The following CAST variants were observed in gnomAD, a reference collection of about 807,000 sequenced individuals.
CAST encodes the protein calpastatin, also known as MIR583 host.
CAST carries 76 observed loss-of-function variants against 119.6 expected under a neutral mutation model. That is an observed-to-expected ratio of 0.64 (90% CI 0.53 to 0.77). The LOEUF is 0.77. Among genes scored for constraint, CAST ranks in the 30% least tolerant of loss-of-function variants. The pLI is 0.00. For synonymous variants in CAST, 319 were observed against 331.6 expected, an observed-to-expected ratio of 0.96 and a Z score of 0.41; for missense variants, 953 against 946.5, an observed-to-expected ratio of 1.01 and a Z score of -0.09.
the CAST span, among the ~76,000 whole-genome samples, chr5:95,996,155 CTT>C: frequency 6.6e-6 from 1 of 152,102 alleles, no homozygotes; most frequent in Non-Finnish European, 1.5e-5. Flanking sequence ...CTGAGGAAGA[CTT>C]TGACTCAGAA....
At chr5:96,503,518 C>T in the CAST span, among the ~76,000 whole-genome samples, 3 of 152,194 alleles carry the variant, frequency 2.0e-5, no homozygotes, top group Non-Finnish European at 4.4e-5. Context: ...ACCCACCTCA[C>T]ATAATCCTCT....
At chr5:96,176,011 G>A in the CAST span, among the ~76,000 whole-genome samples, 5 of 152,144 alleles carry the variant, frequency 3.3e-5, no homozygotes, top group South Asian at 2.1e-4. Flanking sequence ...CTACCATAGC[G>A]GAAATTACAG....
the CAST span, among the ~76,000 whole-genome samples, chr5:96,221,705 T>C: frequency 1.3e-5 from 2 of 152,098 alleles, no homozygotes; most frequent in South Asian, 4.1e-4. Context: ...ACATATTCAA[T>C]GCAATCTCTA....
At chr5:96,699,575 A>C (rs1269791304) in intron 3 of CAST, among the ~76,000 whole-genome samples, 20 of 152,172 alleles carry the variant, frequency 1.3e-4, no homozygotes, top group Non-Finnish European at 1.5e-5. Flanking sequence ...AGAAGACTCA[A>C]AATCCCTATT....
the CAST span, among the ~76,000 whole-genome samples, chr5:96,368,796 A>G: frequency 6.6e-5 from 10 of 152,214 alleles, no homozygotes; most frequent in South Asian, 2.1e-3. Flanking sequence ...TTGCAAAGTA[A>G]TGTTTTTGAA....
chr5:96,725,096 A>G (rs1258896502), intron 4 of CAST, among the ~76,000 whole-genome samples: 1 of 152,138 alleles, frequency 6.6e-6, no homozygotes, highest in African/African-American at 2.4e-5. Flanking sequence ...AGTCCTGTGA[A>G]ACTGGAGGAA....
At chr5:96,312,911 C>A in the CAST span, among the ~76,000 whole-genome samples, 2 of 152,022 alleles carry the variant, frequency 1.3e-5, no homozygotes, top group Admixed American at 6.6e-5. Context: ...AAAGATGGTA[C>A]ATAACTAGGA....
intron 1 of CAST, among the ~76,000 whole-genome samples, chr5:96,618,540 C>T (rs997396336): frequency 3.3e-5 from 5 of 152,238 alleles, no homozygotes; most frequent in South Asian, 2.1e-4. Context: ...ACCGGGGCTG[C>T]GCATGGCGCT....
intron 1 of CAST, among the ~76,000 whole-genome samples, chr5:96,633,099 G>A (rs917375775): frequency 1.3e-5 from 2 of 152,070 alleles, no homozygotes; most frequent in Admixed American, 6.5e-5. Flanking sequence ...AGCCTCCTGA[G>A]TAGCTGGGAT....
chr5:96,758,714 ATGTTATTCTC>A (rs1049136767), intron 24 of CAST, among the ~76,000 whole-genome samples: 2 of 152,200 alleles, frequency 1.3e-5, no homozygotes, highest in Non-Finnish European at 2.9e-5. Context: ...TAACCAGAGC[ATGTTATTCTC>A]TGTACCCCTG....
chr5:96,257,427 G>T, the CAST span, among the ~76,000 whole-genome samples: 11 of 152,138 alleles, frequency 7.2e-5, no homozygotes, highest in Non-Finnish European at 1.5e-4. Flanking sequence ...TCACTTGGGA[G>T]GCTTAAATAT....
At position 96,542,024 on chromosome 5, in the gene CAST, T is replaced by C. The variant is rs140397204; in HGVS notation, c.60+12144T>C. ...ATCATATGTTAAGACAAAACTATTT[T>C]TGGAGGCCGGACGCGGTGGCTCACG... On this transcript the variant is annotated intron_variant, in intron 1 of 11. Coordinates refer to the CAST transcript ENST00000505143. Among the ~76,000 whole-genome samples the C allele has an allele frequency of 9.2e-5, 14 of 152,274 alleles. No individual in the cohort carries two copies. In the East Asian group the frequency reaches 2.3e-3, roughly 25 times the overall value.
the CAST span, among the ~76,000 whole-genome samples, chr5:96,370,983 C>T: frequency 6.6e-6 from 1 of 152,076 alleles, no homozygotes; most frequent in African/African-American, 2.4e-5. Flanking sequence ...ATTCCGGGTA[C>T]CTATCTTTAC....
chr5:96,171,636 T>C, the CAST span, among the ~76,000 whole-genome samples: 1 of 152,204 alleles, frequency 6.6e-6, no homozygotes, highest in African/African-American at 2.4e-5. Flanking sequence ...GCCAGAGTTT[T>C]GGGTCCATGG....
the CAST span, among the ~76,000 whole-genome samples, chr5:96,003,384 A>T: frequency 5.9e-5 from 9 of 151,972 alleles, no homozygotes; most frequent in African/African-American, 2.2e-4. Flanking sequence ...TAAAAATATG[A>T]AAAATTAGCC....
the CAST span, among the ~76,000 whole-genome samples, chr5:96,024,273 A>C: frequency 6.6e-6 from 1 of 152,210 alleles, no homozygotes; most frequent in Non-Finnish European, 1.5e-5. Context: ...CCTATGGCTA[A>C]AAAAATAATC....
rs565432566 is a variant in CAST at position 96,623,730 on chromosome 5, C to G, written c.61-51809C>G. Among the ~76,000 whole-genome samples the G allele has an allele frequency of 2.0e-5, 3 of 152,288 alleles. No individual in the cohort carries two copies. The East Asian group carries it at 5.8e-4, about 29-fold the overall frequency. ...ATTTTGTTAATTTCTTTTTCCAAAACAGTGCCTTGCTCTGTTTCCCAGTGG... is the reference window on the plus strand; with the variant it reads ...ATTTTGTTAATTTCTTTTTCCAAAAGAGTGCCTTGCTCTGTTTCCCAGTGG... On this transcript the variant is annotated intron_variant, in intron 1 of 11. Coordinates refer to the CAST transcript ENST00000505143.
At chr5:96,304,914 G>T in the CAST span, among the ~76,000 whole-genome samples, 1 of 152,120 alleles carries the variant, frequency 6.6e-6, no homozygotes, top group Admixed American at 6.6e-5. Flanking sequence ...TTTTGCTTCG[G>T]CTTTTCTTGG....
At chr5:96,478,739 C>G in the CAST span, among the ~76,000 whole-genome samples, 1 of 152,246 alleles carries the variant, frequency 6.6e-6, no homozygotes, top group Non-Finnish European at 1.5e-5. Context: ...GTATTTACCA[C>G]ATGCCCTGAG....
Sources: allele counts gnomAD v4.1 joint callset (sites outside exome capture counted in the v4.1 genomes callset), GRCh38; gene constraint gnomAD v4.1.1; transcripts MANE v1.5; gene names NCBI Gene and HGNC (gene_info 2026-07-23, HGNC 2026-07-21).